NIPAL2: variants seen among roughly 807,000 people sequenced by gnomAD.
The protein encoded by NIPAL2 is NIPA like domain containing 2.
A neutral mutation model predicts 48.9 loss-of-function variants in NIPAL2; 43 were observed. The ratio of observed to expected loss-of-function variants is 0.88; its 90% CI spans 0.69 to 1.13. NIPAL2 has a LOEUF of 1.13. Ranked by LOEUF, NIPAL2 falls within the 50% of genes most tolerant of loss-of-function variation. The pLI, the probability that NIPAL2 is intolerant of heterozygous loss-of-function variation, is 0.00. For missense variants in NIPAL2, 446 were observed against 461.4 expected (o/e 0.97, Z 0.31); for synonymous variants, 167 against 174.6 (o/e 0.96, Z 0.34).
chr8:98,194,113 A>G lies in NIPAL2; in HGVS notation c.1039+615T>C, dbSNP rs559010837. Among the ~76,000 whole-genome samples, 614 of 152,278 alleles carry G rather than the reference A, an allele frequency of 4.0e-3. 3 individuals are homozygous for G. Among genetic ancestry groups the G allele is most frequent in the African/African-American group, 0.013 (541 of 41,548 alleles). ...CCCCCTACATCCCCAGTAAGGCTGG[A>G]GAGTGCTGAGGGCGGGTGGACAGGG... On this transcript the variant is annotated intron_variant, in intron 10 of 10. Coordinates refer to ENST00000430223, the MANE Select transcript of NIPAL2 (RefSeq NM_001321635.2).
At chr8:98,293,939 G>T (rs924748343) in intron 1 of NIPAL2, 64 bp downstream of exon 1, 18 of 1,332,094 alleles carry the variant, frequency 1.4e-5, no homozygotes, top group Middle Eastern at 2.7e-4. Context: ...GCGCAGAGGC[G>T]CCCGGAGCCA....
intron 3 of NIPAL2, among the ~76,000 whole-genome samples, chr8:98,240,395 A>G (rs1812925121): frequency 6.6e-6 from 1 of 152,238 alleles, no homozygotes; most frequent in Admixed American, 6.5e-5. Context: ...CTAGCAGGTT[A>G]ATAAAATGTC....
In NIPAL2 at chr8:98,287,748, A is replaced by G. The variant is rs925386280; in HGVS notation, c.135+6255T>C. On this transcript the variant is annotated intron_variant, in intron 1 of 10. Coordinates refer to ENST00000430223, the MANE Select transcript of NIPAL2 (RefSeq NM_001321635.2). ...TATTATTATTTCCATTTATATAGAG[A>G]AAGCCGAGAAATGGAGAAATTGAGA... is the stretch of plus-strand genomic sequence containing the variant. 5.9e-5 allele frequency among the ~76,000 whole-genome samples: 9 copies of G among 152,220 alleles called. No individual in the cohort carries two copies. The South Asian group carries it at 6.2e-4, about 10-fold the overall frequency.
intron 1 of NIPAL2, among the ~76,000 whole-genome samples, chr8:98,280,200 A>G (rs1465942080): frequency 6.6e-6 from 1 of 152,212 alleles, no homozygotes; most frequent in Non-Finnish European, 1.5e-5. Context: ...TTTGAACTCA[A>G]CCATATTCCT....
At chr8:98,248,708 G>A (rs116463801) in intron 3 of NIPAL2, among the ~76,000 whole-genome samples, 2 of 152,290 alleles carry the variant, frequency 1.3e-5, no homozygotes, top group East Asian at 3.9e-4. Flanking sequence ...CATTAATTAA[G>A]CTTTGTGAAT....
chr8:98,194,002 T>A (rs1026629429), intron 10 of NIPAL2, among the ~76,000 whole-genome samples: 3 of 152,138 alleles, frequency 2.0e-5, no homozygotes, highest in Non-Finnish European at 2.9e-5. Flanking sequence ...GAGGCTTCCC[T>A]AGTTTTTGCT....
At chr8:98,222,233 A>C (rs1439906755) in intron 5 of NIPAL2, among the ~76,000 whole-genome samples, 2 of 152,152 alleles carry the variant, frequency 1.3e-5, no homozygotes, top group African/African-American at 4.8e-5. Flanking sequence ...TTTTCCTAAA[A>C]CGTATTGCTC....
rs897413350 is a variant in NIPAL2 at position 98,286,834 on chromosome 8, A to C, written c.135+7169T>G. Among the ~76,000 whole-genome samples the C allele has an allele frequency of 1.4e-4, 19 of 135,638 alleles. 1 individual carries two copies. The highest frequency in any genetic ancestry group is 2.1e-4 in the South Asian group (1 of 4,666). The allele number at this position is 135,638 out of a possible 152,430, so 89.0% of individuals were successfully genotyped here. ...TGTCAAAAAAAAAAAAAAAAAAAAA[A>C]CCAAAAACAAACAAACACGTTGAGA... On this transcript the variant is annotated intron_variant, in intron 1 of 10. Coordinates refer to ENST00000430223, the MANE Select transcript of NIPAL2 (RefSeq NM_001321635.2).
chr8:98,237,020 C>T (rs891150265), intron 3 of NIPAL2, among the ~76,000 whole-genome samples: 1 of 151,938 alleles, frequency 6.6e-6, no homozygotes, highest in Non-Finnish European at 1.5e-5. Flanking sequence ...TTTGACGATC[C>T]ACATCCAACA....
At chr8:98,293,257 G>C (rs529823780) in intron 1 of NIPAL2, among the ~76,000 whole-genome samples, 2 of 152,306 alleles carry the variant, frequency 1.3e-5, no homozygotes, top group South Asian at 2.1e-4. Flanking sequence ...GGAATCCACC[G>C]TGATAAAACT....
chr8:98,226,430 C>G (rs1411336692), intron 4 of NIPAL2, among the ~76,000 whole-genome samples: 2 of 152,134 alleles, frequency 1.3e-5, no homozygotes, highest in African/African-American at 4.8e-5. Context: ...GTGGCCATAT[C>G]TACATGAGGG....
At chr8:98,226,978 A>G (rs116128305) in intron 4 of NIPAL2, among the ~76,000 whole-genome samples, 1 of 152,122 alleles carries the variant, frequency 6.6e-6, no homozygotes, top group East Asian at 1.9e-4. Context: ...CCAAAACCAC[A>G]AGACAAAGTC....
intron 1 of NIPAL2, among the ~76,000 whole-genome samples, chr8:98,289,891 TA>T (rs1431692603): frequency 6.6e-6 from 1 of 152,160 alleles, no homozygotes; most frequent in Non-Finnish European, 1.5e-5. Flanking sequence ...AGAAAAGAGA[TA>T]GATGGTAGCA....
chr8:98,221,800 T>C (rs1389950172), intron 5 of NIPAL2, among the ~76,000 whole-genome samples: 3 of 152,132 alleles, frequency 2.0e-5, no homozygotes, highest in Admixed American at 6.5e-5. Context: ...CAACAAATGC[T>C]GGAGAGGATG....
intron 6 of NIPAL2, among the ~76,000 whole-genome samples, chr8:98,207,913 G>T (rs985293687): frequency 6.6e-6 from 1 of 151,844 alleles, no homozygotes; most frequent in Non-Finnish European, 1.5e-5. Flanking sequence ...CCCTATTTTT[G>T]GATATTTAGG....
intron 1 of NIPAL2, among the ~76,000 whole-genome samples, chr8:98,282,541 C>T (rs1006211453): frequency 8.5e-5 from 13 of 152,110 alleles, no homozygotes; most frequent in African/African-American, 3.1e-4. Context: ...GGCGTGGTGG[C>T]ACGCACCTGT....
chr8:98,220,161 G>A (rs1811781880), intron 5 of NIPAL2, among the ~76,000 whole-genome samples: 1 of 152,112 alleles, frequency 6.6e-6, no homozygotes, highest in Non-Finnish European at 1.5e-5. Context: ...CTAGTGGTCA[G>A]AATACATATC....
At chr8:98,240,031 C>T (rs993620629) in intron 3 of NIPAL2, among the ~76,000 whole-genome samples, 2 of 152,148 alleles carry the variant, frequency 1.3e-5, no homozygotes, top group African/African-American at 4.8e-5. Context: ...ATCTATTATA[C>T]TTTTATTCCT....
intron 1 of NIPAL2, among the ~76,000 whole-genome samples, chr8:98,262,500 A>G (rs1370597725): frequency 6.6e-6 from 1 of 151,674 alleles, no homozygotes; most frequent in African/African-American, 2.4e-5. Context: ...TAAAACAGAC[A>G]TTAAACCAAC....
Sources: allele counts gnomAD v4.1 joint callset (sites outside exome capture counted in the v4.1 genomes callset), GRCh38; gene constraint gnomAD v4.1.1; transcripts MANE v1.5; gene names NCBI Gene and HGNC (gene_info 2026-07-23, HGNC 2026-07-21).